The following SWI5 variants were observed in gnomAD, a reference collection of about 807,000 sequenced individuals.
The protein encoded by SWI5 is DNA repair protein SWI5 homolog.
Under a neutral mutation model 17.0 loss-of-function variants are expected in SWI5, and 12 were observed. The ratio of observed to expected loss-of-function variants is 0.71; its 90% CI spans 0.45 to 1.14. The LOEUF (loss-of-function observed/expected upper bound fraction) is 1.14. Among genes scored for constraint, SWI5 ranks in the 50% most tolerant of loss-of-function variants. The probability of loss-of-function intolerance (pLI) is 0.00; values close to 1 mark genes in which losing one functional copy is unlikely to be tolerated. For synonymous variants in SWI5, 61 were observed against 64.0 expected (o/e 0.95, Z 0.22); for missense variants, 158 against 162.2 (o/e 0.97, Z 0.14).
chr9:128,282,513 G>T (rs1365436956), intron 2 of SWI5, among the ~76,000 whole-genome samples: 4 of 152,256 alleles, frequency 2.6e-5, no homozygotes, highest in African/African-American at 9.6e-5. Flanking sequence ...CGATAGGTAA[G>T]TAGAGCTTTA....
chr9:128,287,035 G>A (rs1831651255), intron 4 of SWI5, among the ~76,000 whole-genome samples: 1 of 151,672 alleles, frequency 6.6e-6, no homozygotes, highest in Non-Finnish European at 1.5e-5. Context: ...CAGCTATTTG[G>A]GTGGCTGAGG....
intron 2 of SWI5, among the ~76,000 whole-genome samples, chr9:128,277,948 CTTTTTTTTTT>C (rs71381748): frequency 1.2e-5 from 1 of 80,862 alleles, no homozygotes; most frequent in African/African-American, 4.2e-5. Context: ...CATTCCTTCT[CTTTTTTTTTT>C]TTTTTTTTTT....
intron 2 of SWI5, among the ~76,000 whole-genome samples, chr9:128,279,615 T>C (rs1177917749): frequency 1.3e-5 from 2 of 152,198 alleles, no homozygotes; most frequent in East Asian, 1.9e-4. Context: ...CACTATCTAC[T>C]ATGAACTTCA....
intron 2 of SWI5, 146 bp from the exon 3 acceptor site, chr9:128,284,364 C>T: frequency 1.1e-6 from 1 of 876,286 alleles, no homozygotes; most frequent in South Asian, 2.0e-5. Context: ...ACATCTAATT[C>T]CAAGGAAGGC....
At chr9:128,281,417 C>CA (rs1158549560) in intron 2 of SWI5, among the ~76,000 whole-genome samples, 1 of 152,098 alleles carries the variant, frequency 6.6e-6, no homozygotes, top group Non-Finnish European at 1.5e-5. Flanking sequence ...CCTCTGTCTG[C>CA]AATACTTTCT....
intron 2 of SWI5, among the ~76,000 whole-genome samples, chr9:128,282,930 C>G (rs1306527443): frequency 1.3e-5 from 2 of 152,244 alleles, no homozygotes; most frequent in East Asian, 1.9e-4. Flanking sequence ...GTAATCCCAG[C>G]ACCTGGGGAG....
chr9:128,275,449 G>A, upstream of SWI5: 1 of 1,299,338 alleles, frequency 7.7e-7, no homozygotes, highest in East Asian at 3.1e-5. Flanking sequence ...GGTCCTTGGA[G>A]ACCCGAGACC....
rs143780727 is a variant in SWI5 at position 128,279,679 on chromosome 9, T to C, written c.111+2924T>C. The stretch of plus-strand genomic sequence containing the variant: ...TAAAAGTGGACAAGGAGCGTGACCA[T>C]TGAAGCACAGCCCCACAGGGAGGGG... On this transcript the variant is annotated intron_variant, in intron 2 of 4. Transcript: ENST00000418976. Among the ~76,000 whole-genome samples the C allele has an allele frequency of 2.2e-4, 34 of 152,326 alleles. 1 individual carries two copies. In the East Asian group the frequency reaches 4.8e-3, roughly 22 times the overall value.
rs187542830 is a variant in SWI5 at position 128,287,639 on chromosome 9, G to A, written c.329-1013G>A. 6.0e-3 allele frequency among the ~76,000 whole-genome samples: 833 copies of A among 139,984 alleles called. 6 individuals are homozygous for A. The highest frequency in any genetic ancestry group is 0.036 in the Middle Eastern group (9 of 250). The allele number at this position is 139,984 out of a possible 152,430, so 91.8% of individuals were successfully genotyped here. On this transcript the variant is annotated intron_variant, in intron 4 of 4. Transcript: ENST00000418976. ...TGCAGTGGCGTGATCTCGGCTCCCT[G>A]CAACCTCCACCTCCCAGGTTCAAGT...
At chr9:128,278,563 CA>C (rs545111384) in intron 2 of SWI5, 50,142 of 364,998 alleles carry the variant, frequency 0.14, 1 homozygote, top group South Asian at 0.21. Context: ...AACTCCATCT[CA>C]AAAAAAAAAA....
intron 1 of SWI5, 124 bp from the exon 2 acceptor site, chr9:128,276,583 C>T: frequency 6.2e-7 from 1 of 1,601,430 alleles, no homozygotes; most frequent in Non-Finnish European, 8.5e-7. Context: ...TGCCCCCTTT[C>T]CAGATGGATC....
upstream of SWI5, among the ~76,000 whole-genome samples, chr9:128,275,702 G>A (rs1485632374): frequency 6.6e-6 from 1 of 152,038 alleles, no homozygotes; most frequent in Non-Finnish European, 1.5e-5. Context: ...ACCCGGGGGC[G>A]ACTGGCGAGG....
intron 4 of SWI5, chr9:128,286,235 C>T: frequency 1.8e-6 from 1 of 540,622 alleles, no homozygotes. Flanking sequence ...AAGTACAGAA[C>T]CTGCTTTGGA....
chr9:128,283,745 G>T (rs1344182042), intron 2 of SWI5, among the ~76,000 whole-genome samples: 1 of 152,184 alleles, frequency 6.6e-6, no homozygotes, highest in Non-Finnish European at 1.5e-5. Flanking sequence ...CAAGATAGCT[G>T]CTCAGCTCCA....
intron 2 of SWI5, among the ~76,000 whole-genome samples, chr9:128,282,385 CA>C (rs991455867): frequency 7.1e-5 from 10 of 141,382 alleles, no homozygotes; most frequent in Non-Finnish European, 6.2e-5. Context: ...AGAACTGTCT[CA>C]AAAAAAAAAG....
At chr9:128,284,871 G>T (rs767777039) in intron 3 of SWI5, among the ~76,000 whole-genome samples, 1 of 149,288 alleles carries the variant, frequency 6.7e-6, no homozygotes. Flanking sequence ...CAGAAGAATC[G>T]CTTAAACCTG....
intron 2 of SWI5, among the ~76,000 whole-genome samples, chr9:128,277,948 CTTTTTTTTT>C (rs71381748): frequency 2.0e-4 from 16 of 80,862 alleles, no homozygotes; most frequent in African/African-American, 6.4e-4. Context: ...CATTCCTTCT[CTTTTTTTTT>C]TTTTTTTTTT....
chr9:128,286,115 C>A, intron 4 of SWI5, 82 bp downstream of exon 4: 2 of 1,051,866 alleles, frequency 1.9e-6, no homozygotes, highest in Non-Finnish European at 2.9e-6. Context: ...TGCTCCTGGG[C>A]CTCCCAGCTT....
rs141408903 is a variant in SWI5, at chr9:128,288,882, G to A, written c.*166G>A. The A allele has an allele frequency of 3.0e-4, 209 of 700,210 alleles. No individual in the cohort carries two copies. In the African/African-American group the frequency reaches 3.2e-3, roughly 11 times the overall value. The allele number at this position is 700,210 out of a possible 1,614,324, so 43.4% of individuals were successfully genotyped here. On this transcript the variant is annotated 3_prime_UTR_variant, in exon 5 of 5. Coordinates refer to ENST00000418976, the Ensembl canonical transcript of SWI5. ...TCAGGAGGAGGCTAGAGAAGAGGCG[G>A]GCAGGGAGGAAGGGGCGTTCCCAGC...
Sources: allele counts gnomAD v4.1 joint callset (sites outside exome capture counted in the v4.1 genomes callset), GRCh38; gene constraint gnomAD v4.1.1; transcripts MANE v1.5; gene names NCBI Gene and HGNC (gene_info 2026-07-23, HGNC 2026-07-21).